RPGRIP1: variants seen among roughly 807,000 people sequenced by gnomAD.
RPGRIP1 encodes X-linked retinitis pigmentosa GTPase regulator-interacting protein 1.
RPGRIP1 carries 128 observed loss-of-function variants against 157.9 expected under a neutral mutation model. The observed-to-expected ratio is 0.81, with a 90% CI of 0.70 to 0.94. The LOEUF is 0.94. Among genes scored for constraint, RPGRIP1 ranks in the 40% least tolerant of loss-of-function variants. The pLI is 0.00. For synonymous variants in RPGRIP1, 554 were observed against 571.6 expected (o/e 0.97, Z 0.44); for missense variants, 1,486 against 1,545.8 (o/e 0.96, Z 0.65).
chr14:21,346,412 C>T (rs1332150611), intron 23 of RPGRIP1, among the ~76,000 whole-genome samples: 2 of 152,182 alleles, frequency 1.3e-5, no homozygotes, highest in East Asian at 3.9e-4. Flanking sequence ...ATCAGCTAGG[C>T]ATGGTGGCAC....
intron 21 of RPGRIP1, among the ~76,000 whole-genome samples, chr14:21,337,734 C>T (rs1243271370): frequency 2.0e-5 from 3 of 147,048 alleles, no homozygotes; most frequent in Non-Finnish European, 4.5e-5. Flanking sequence ...TGAGCCACTG[C>T]GCCCGGCCTA....
intron 10 of RPGRIP1, among the ~76,000 whole-genome samples, chr14:21,314,359 C>T (rs982031819): frequency 6.6e-6 from 1 of 151,832 alleles, no homozygotes; most frequent in Non-Finnish European, 1.5e-5. Context: ...GTTGGGATTA[C>T]AGGCATGAGC....
rs776664766 is a variant in RPGRIP1, at chr14:21,303,443, G to A, written c.700G>A (p.Val234Met). ...CATCATGGCCAGCAATACCATGCAA[G>A]TGGAAGAGCCACCCAAGTCTCCTGA... Reference protein sequence around the residue: ...AHIMASNTMQVEEPPKSPEKM... With the variant: ...AHIMASNTMQMEEPPKSPEKM... The change falls in exon 6 of 25, where the codon GTG becomes ATG. Residue 234 changes from valine to methionine, a missense_variant. Coordinates refer to ENST00000400017, the MANE Select transcript of RPGRIP1 (RefSeq NM_020366.4). 1.2e-6 allele frequency: 2 copies of A among 1,613,902 alleles called. No individual in the cohort carries two copies. Among genetic ancestry groups the A allele is most frequent in the South Asian group, 1.1e-5 (1 of 91,080 alleles).
At chr14:21,306,504 G>A (rs527867763) in intron 6 of RPGRIP1, among the ~76,000 whole-genome samples, 95 of 151,618 alleles carry the variant, frequency 6.3e-4, no homozygotes, top group African/African-American at 2.2e-3. Context: ...TGTCACCCAA[G>A]CTGGAGTGCA....
At chr14:21,331,955 T>C (rs1883839563) in intron 20 of RPGRIP1, among the ~76,000 whole-genome samples, 1 of 137,318 alleles carries the variant, frequency 7.3e-6, no homozygotes, top group South Asian at 2.2e-4. Context: ...TTTTTTTTTT[T>C]TGAGATGAAG....
rs1412730253 is a variant in RPGRIP1, at chr14:21,302,548, A to G, written c.551A>G (p.Glu184Gly). The change falls in exon 5 of 25, where the codon GAA (glutamate) becomes GGA (glycine). Residue 184 changes from glutamate (E) to glycine (G), a missense_variant. Glu to Gly is a moderately conservative substitution (Grantham distance 98, BLOSUM62 -2). Transcript: ENST00000400017. ...PPSFKEHATN[E>G]NRGEVASKPS... The stretch of plus-strand genomic sequence containing the variant: ...TCGTTTAAGGAGCATGCGACAAATG[A>G]AAACAGAGGTGAAGTAGCCAGTAAA... The G allele has an allele frequency of 3.1e-6, 5 of 1,588,270 alleles. No individual in the cohort carries two copies. In the South Asian group the frequency reaches 5.8e-5, roughly 18 times the overall value.
chr14:21,330,527 A>G (rs553701903), intron 20 of RPGRIP1, 140 bp downstream of exon 20: 63 of 531,264 alleles, frequency 1.2e-4, no homozygotes, highest in Admixed American at 3.7e-4. Flanking sequence ...TTAGCCGGGT[A>G]TGGTGGCAGG....
At chr14:21,297,310 G>A (rs978726790) in intron 3 of RPGRIP1, among the ~76,000 whole-genome samples, 1 of 152,124 alleles carries the variant, frequency 6.6e-6, no homozygotes, top group Non-Finnish European at 1.5e-5. Flanking sequence ...GGCCACGCTG[G>A]TCTCGAACTC....
rs1291367564 is a variant in RPGRIP1, at chr14:21,343,195, G to T, written c.3499G>T (p.Ala1167Ser). 6.2e-7 allele frequency: 1 copy of T among 1,612,854 alleles called. No homozygotes were observed. The highest frequency in any genetic ancestry group is 1.7e-5 in the Admixed American group (1 of 59,812). The part of the protein sequence containing the change: ...ETPVSLRKPR[A>S]GEEIHFHFSK... ...TCCAGTGTCCCTAAGGAAGCCTAGG[G>T]CAGGAGAAGAAATCCACTTTCACTT... Residue 1167 changes from alanine (A) to serine (S), a missense_variant, in exon 22 of 25, where the codon GCA (alanine) becomes TCA (serine). Transcript: ENST00000400017.
chr14:21,310,028 T>TTTTTTTTACTAAAACTGAAGA (rs1163044504), intron 7 of RPGRIP1, among the ~76,000 whole-genome samples: 7 of 105,782 alleles, frequency 6.6e-5, no homozygotes, highest in South Asian at 3.5e-4. Context: ...GAGGTTGCAG[T>TTTTTTTTACTAAAACTGAAGA]GAGCCAAGAT....
At chr14:21,328,336 G>C (rs1391933125) in intron 18 of RPGRIP1, 88 bp from the exon 19 acceptor site, 1 of 943,378 alleles carries the variant, frequency 1.1e-6, no homozygotes, top group Non-Finnish European at 1.6e-6. Context: ...GAGAAATGAA[G>C]TCTAACACTA....
intron 21 of RPGRIP1, among the ~76,000 whole-genome samples, chr14:21,342,136 G>C (rs1429706975): frequency 1.3e-5 from 2 of 152,118 alleles, no homozygotes; most frequent in Non-Finnish European, 2.9e-5. Context: ...GTGGGCATGG[G>C]AAGCCCTGGG....
chr14:21,318,153 C>T (rs553333670), intron 11 of RPGRIP1: 45 of 521,704 alleles, frequency 8.6e-5, no homozygotes, highest in Admixed American at 3.6e-4. Flanking sequence ...GTTGCTCAGG[C>T]TCGAGTGCAA....
At chr14:21,323,171 C>T (rs1882685921) in intron 14 of RPGRIP1, among the ~76,000 whole-genome samples, 1 of 152,078 alleles carries the variant, frequency 6.6e-6, no homozygotes, top group South Asian at 2.1e-4. Flanking sequence ...CCTGTAATCC[C>T]AGCACTTTGG....
intron 23 of RPGRIP1, among the ~76,000 whole-genome samples, chr14:21,347,004 T>C (rs913530873): frequency 2.0e-5 from 3 of 152,258 alleles, no homozygotes; most frequent in African/African-American, 7.2e-5. Context: ...CAGAGAACTT[T>C]TGGACATGGA....
chr14:21,338,163 G>A (rs67347649), intron 21 of RPGRIP1, among the ~76,000 whole-genome samples: 3 of 151,860 alleles, frequency 2.0e-5, no homozygotes, highest in Non-Finnish European at 4.4e-5. Flanking sequence ...TGATCTGCCC[G>A]CCTCGGCCTC....
chr14:21,280,596 A>T (rs1240421554), intron 1 of RPGRIP1, among the ~76,000 whole-genome samples: 5 of 152,062 alleles, frequency 3.3e-5, no homozygotes, highest in African/African-American at 1.2e-4. Flanking sequence ...ATCCAGCACA[A>T]CATTACCAAG....
Position 21,321,883 on chromosome 14 carries a change from T to C in RPGRIP1, c.1641T>C (p.Ala547=), listed in dbSNP as rs772059430. The C allele has an allele frequency of 1.2e-6, 2 of 1,613,300 alleles. No homozygotes were observed. The highest frequency in any genetic ancestry group is 3.3e-5 in the Admixed American group (2 of 59,902). ...QEELEAMMTK[A]DNDNRDHKEK... ...AACTGGAGGCAATGATGACAAAAGC[T>C]GACAATGATAATAGAGATCACAAAG... is the stretch of plus-strand genomic sequence containing the variant. Residue 547 remains alanine (A), a synonymous_variant, in exon 14 of 25, where the codon GCT becomes GCC. Coordinates refer to ENST00000400017, the MANE Select transcript of RPGRIP1 (RefSeq NM_020366.4).
rs1208400774 is a variant in RPGRIP1 at position 21,316,343 on chromosome 14, C to T, written c.1152-1353C>T. On this transcript the variant is annotated intron_variant, in intron 10 of 24. Transcript: ENST00000400017. ...GCCAGGCTGGCCTCGAACCCCTGAC[C>T]TCAGATAATCTGCCCACCTTGACCT... Among the ~76,000 whole-genome samples, 4 of 152,176 alleles carry T rather than the reference C, an allele frequency of 2.6e-5. No individual in the cohort carries two copies. The East Asian group carries it at 7.7e-4, about 29-fold the overall frequency.
Sources: allele counts gnomAD v4.1 joint callset (sites outside exome capture counted in the v4.1 genomes callset), GRCh38; gene constraint gnomAD v4.1.1; transcripts MANE v1.5; gene names NCBI Gene and HGNC (gene_info 2026-07-23, HGNC 2026-07-21).